DAOA: variants seen among roughly 807,000 people sequenced by gnomAD.
DAOA encodes the protein D-amino acid oxidase regulator.
Under a neutral mutation model 16.4 loss-of-function variants are expected in DAOA, and 15 were observed. The observed-to-expected ratio is 0.91, with a 90% CI of 0.61 to 1.41. The LOEUF is 1.41. DAOA is among the 40% of genes most tolerant of loss of function. The probability of loss-of-function intolerance (pLI) is 0.00; values close to 1 mark genes in which losing one functional copy is unlikely to be tolerated. For synonymous variants in DAOA, 75 were observed against 59.1 expected (o/e 1.27, Z -1.23); for missense variants, 230 against 176.8 (o/e 1.30, Z -1.71).
rs543563152 is a variant in DAOA at position 105,476,592 on chromosome 13, G to A, written c.281+3907G>A. ...CCTCTCGGTGATTTATGATGTGGGT[G>A]TAAAAAATGAGGTGGGTATTTTAAA... On this transcript the variant is annotated intron_variant, in intron 4 of 5. Coordinates refer to ENST00000375936, the MANE Select transcript of DAOA (RefSeq NM_172370.5). 2.6e-5 allele frequency among the ~76,000 whole-genome samples: 4 copies of A among 151,268 alleles called. No homozygotes were observed. The South Asian group carries it at 8.4e-4, about 32-fold the overall frequency.
chr13:105,477,828 A>G (rs1013462349), intron 4 of DAOA, among the ~76,000 whole-genome samples: 1 of 152,224 alleles, frequency 6.6e-6, no homozygotes, highest in Admixed American at 6.5e-5. Context: ...AAATAGGCAC[A>G]TAGTTTTTAA....
chr13:105,466,171 T>C, intron 1 of DAOA, 45 bp from the exon 2 acceptor site: 1 of 1,504,520 alleles, frequency 6.6e-7, no homozygotes, highest in East Asian at 2.3e-5. Flanking sequence ...ATTAGTGGCT[T>C]AAAGTAAAAG....
At position 105,472,627 on chromosome 13, in the gene DAOA, A is replaced by C. The variant is rs755397146; in HGVS notation, c.223A>C (p.Arg75=). 1.2e-5 allele frequency: 20 copies of C among 1,613,998 alleles called. No homozygotes were observed. Among genetic ancestry groups the C allele is most frequent in the Non-Finnish European group, 1.6e-5 (19 of 1,179,970 alleles). The change falls in exon 4 of 6, where the codon AGG becomes CGG. Residue 75 remains arginine (R), a synonymous_variant. Coordinates refer to ENST00000375936, the MANE Select transcript of DAOA (RefSeq NM_172370.5). ...GGACGGCTATTTGGAAATGGCACAG[A>C]GGCATTTACAGAGATCATTATGTCC... ...HEDGYLEMAQ[R]HLQRSLCPWV...
chr13:105,487,759 C>A (rs193006662), intron 4 of DAOA, among the ~76,000 whole-genome samples: 1 of 152,194 alleles, frequency 6.6e-6, no homozygotes, highest in African/African-American at 2.4e-5. Context: ...CAAATGCCTT[C>A]TTTTGTTTGG....
intron 4 of DAOA, among the ~76,000 whole-genome samples, chr13:105,485,980 C>T (rs1341405): frequency 0.99 from 150,575 of 152,278 alleles, 74,465 homozygotes; most frequent in East Asian, 1. Flanking sequence ...AGGAAACAAA[C>T]CCACTCCCAT....
intron 4 of DAOA, among the ~76,000 whole-genome samples, chr13:105,483,952 A>G (rs1387052817): frequency 6.6e-6 from 1 of 152,030 alleles, no homozygotes; most frequent in Non-Finnish European, 1.5e-5. Context: ...ATACATCTTT[A>G]CTTAACGCTA....
chr13:105,475,401 A>G (rs1877260152), intron 4 of DAOA, among the ~76,000 whole-genome samples: 1 of 152,194 alleles, frequency 6.6e-6, no homozygotes, highest in Non-Finnish European at 1.5e-5. Context: ...AAATGGGAGT[A>G]CTAAAGAGGT....
rs1481651195 is a variant in DAOA at position 105,466,274 on chromosome 13, C to T, written c.-15C>T. 6 of 1,613,800 alleles carry T rather than the reference C, an allele frequency of 3.7e-6. No individual in the cohort carries two copies. In the African/African-American group the frequency reaches 6.7e-5, roughly 18 times the overall value. On this transcript the variant is annotated 5_prime_UTR_variant, in exon 2 of 6. Transcript: ENST00000375936. ...CTGCTTCACAATGCCGATGATTTAG[C>T]TGGGAGGACCCAAAATGCTGGAAAA...
At chr13:105,470,110 A>G (rs1236547300) in intron 3 of DAOA, among the ~76,000 whole-genome samples, 2 of 123,900 alleles carry the variant, frequency 1.6e-5, no homozygotes, top group Non-Finnish European at 3.4e-5. Context: ...CATCTTGCTC[A>G]TTGGAATTTT....
chr13:105,476,677 G>A lies in DAOA; in HGVS notation c.281+3992G>A, dbSNP rs190099446. ...TAAATCTGATGAATGGCTATAAATAGGGCATGAAATTTGGGGCCAGCCACA... is the reference window on the plus strand; with the variant it reads ...TAAATCTGATGAATGGCTATAAATAAGGCATGAAATTTGGGGCCAGCCACA... On this transcript the variant is annotated intron_variant, in intron 4 of 5. Transcript: ENST00000375936. 4.6e-5 allele frequency among the ~76,000 whole-genome samples: 7 copies of A among 151,882 alleles called. No homozygotes were observed. The East Asian group carries it at 1.2e-3, about 25-fold the overall frequency.
Position 105,466,088 on chromosome 13 carries a change from C to G in DAOA, c.-74+28C>G, listed in dbSNP as rs867021529. 118 of 700,794 alleles carry G rather than the reference C, an allele frequency of 1.7e-4. 1 individual carries two copies. Among genetic ancestry groups the G allele is most frequent in the Middle Eastern group, 9.4e-4 (3 of 3,190 alleles). 43.4% of individuals were successfully genotyped at this position (700,794 alleles called of 1,614,324 possible). A position where few individuals can be genotyped will look rare whatever the true frequency, so the allele number is the denominator to read the frequency against. On this transcript the variant is annotated intron_variant, in intron 1 of 5. Transcript: ENST00000375936. ...GAGTAGTCATTGGATACATACATAA[C>G]AGTGAGCAAGTTTATCAGCTCCTGC...
At chr13:105,486,671 T>C (rs1878133699) in intron 4 of DAOA, among the ~76,000 whole-genome samples, 1 of 151,380 alleles carries the variant, frequency 6.6e-6, no homozygotes, top group African/African-American at 2.4e-5. Flanking sequence ...CAGGCTGGAG[T>C]GCAATGGCGC....
intron 3 of DAOA, among the ~76,000 whole-genome samples, chr13:105,470,791 T>C (rs1367380881): frequency 5.0e-5 from 3 of 59,736 alleles, no homozygotes; most frequent in Admixed American, 2.1e-4. Context: ...TTTTCTTTTC[T>C]TTTTTCTTTT....
intron 3 of DAOA, among the ~76,000 whole-genome samples, chr13:105,468,193 A>C (rs1338385404): frequency 6.6e-6 from 1 of 152,210 alleles, no homozygotes; most frequent in Non-Finnish European, 1.5e-5. Context: ...AGGATAACCG[A>C]GGTCACTCTC....
rs541786745 is a variant in DAOA at position 105,482,393 on chromosome 13, A to G, written c.282-7508A>G. On this transcript the variant is annotated intron_variant, in intron 4 of 5. Transcript: ENST00000375936. ...TAACTTCTAAGTAGCATGAGGAAGG[A>G]CTGTGTGGTTCCTGCCCTTAGCTTC... Among the ~76,000 whole-genome samples the G allele has an allele frequency of 4.0e-4, 60 of 151,448 alleles. No individual in the cohort carries two copies. In the South Asian group the frequency reaches 0.012, roughly 29 times the overall value.
At chr13:105,481,663 T>C (rs1482103189) in intron 4 of DAOA, among the ~76,000 whole-genome samples, 1 of 152,160 alleles carries the variant, frequency 6.6e-6, no homozygotes, top group Non-Finnish European at 1.5e-5. Flanking sequence ...CTCATTCCTC[T>C]ATCAAACCTC....
intron 4 of DAOA, among the ~76,000 whole-genome samples, chr13:105,483,632 A>G (rs1877904457): frequency 6.6e-6 from 1 of 151,930 alleles, no homozygotes. Flanking sequence ...TTTCATATGC[A>G]TATTCTCTAC....
At chr13:105,472,441 A>G in intron 3 of DAOA, 97 bp from the exon 4 acceptor site, 3 of 1,416,512 alleles carry the variant, frequency 2.1e-6, no homozygotes, top group Non-Finnish European at 2.8e-6. Flanking sequence ...AAAATGGACA[A>G]TTCCTACAAT....
intron 4 of DAOA, among the ~76,000 whole-genome samples, chr13:105,482,251 A>G (rs1057399046): frequency 6.6e-5 from 10 of 152,098 alleles, no homozygotes; most frequent in African/African-American, 1.9e-4. Context: ...CTATTTCATC[A>G]TTTCTCAGTC....
Sources: gnomAD v4.1 joint callset for allele counts (sites outside exome capture counted in the v4.1 genomes callset) on GRCh38, gnomAD v4.1.1 for gene constraint, MANE v1.5 for transcripts, NCBI Gene and HGNC (gene_info 2026-07-23, HGNC 2026-07-21) for gene names.